The following CELF2 variants were observed in gnomAD, a reference collection of about 807,000 sequenced individuals.
The protein encoded by CELF2 is CUGBP Elav-like family member 2.
A neutral mutation model predicts 62.6 loss-of-function variants in CELF2; 8 were observed. The observed-to-expected ratio is 0.13, with a 90% CI of 0.07 to 0.23. CELF2 has a LOEUF of 0.23. CELF2 is among the 10% of genes least tolerant of loss of function. The pLI is 1.00. For synonymous variants in CELF2, 258 were observed against 250.0 expected (o/e 1.03, Z -0.30); for missense variants, 333 against 671.0 (o/e 0.50, Z 5.56).
intron 2 of CELF2, chr10:10,946,432 C>T (rs765830115): frequency 6.6e-6 from 1 of 152,568 alleles, no homozygotes; most frequent in Non-Finnish European, 1.5e-5. Flanking sequence ...GGGGAAGACT[C>T]CTTTTTCCCT....
chr10:11,045,561 C>G (rs550557815), intron 1 of CELF2, among the ~76,000 whole-genome samples: 67 of 152,296 alleles, frequency 4.4e-4, no homozygotes, highest in African/African-American at 1.5e-3. Flanking sequence ...ATGAAATGCT[C>G]AATAAATGTT....
chr10:11,005,526 A>C lies in CELF2; in HGVS notation c.53+86A>C, dbSNP rs2055091111. The C allele has an allele frequency of 6.3e-7, 1 of 1,598,786 alleles. No homozygotes were observed. Among genetic ancestry groups the C allele is most frequent in the Non-Finnish European group, 8.6e-7 (1 of 1,166,812 alleles). ...ACAATAATTATGCTCTGAATCAAGT[A>C]GCTTCCTTACCTTAGAAGAGAAGGG... On this transcript the variant is annotated intron_variant, in intron 1 of 12. Transcript: ENST00000416382. The surrounding 1 kb of genome is among the most constrained non-coding windows in gnomAD (Gnocchi z 4.3).
chr10:11,238,441 G>C (rs2072420063), intron 3 of CELF2, among the ~76,000 whole-genome samples: 1 of 152,126 alleles, frequency 6.6e-6, no homozygotes, highest in Non-Finnish European at 1.5e-5. Context: ...CTAAGCAAAG[G>C]ATTCCAGACA....
rs2076284330 is a variant in CELF2 at position 11,191,500 on chromosome 10, C to T, written c.271+25818C>T. Among the ~76,000 whole-genome samples, 1 of 152,154 alleles carries T rather than the reference C, an allele frequency of 6.6e-6. No homozygotes were observed. The highest frequency in any genetic ancestry group is 2.4e-5 in the African/African-American group (1 of 41,436). On this transcript the variant is annotated intron_variant, in intron 2 of 12. Transcript: ENST00000633077. The surrounding 1 kb of genome is among the most constrained non-coding windows in gnomAD (Gnocchi z 4.1). ...CGTGCTGTGGGGCGTCAGCTACCAACCTTGTGGTCTCGGGAAAGTGACCTA... is the reference window on the plus strand; with the variant it reads ...CGTGCTGTGGGGCGTCAGCTACCAATCTTGTGGTCTCGGGAAAGTGACCTA...
At chr10:10,803,530 A>C (rs992638845) in intron 1 of CELF2, among the ~76,000 whole-genome samples, 1 of 152,170 alleles carries the variant, frequency 6.6e-6, no homozygotes. Context: ...CTCCCATGTC[A>C]TCTCCTCAGT....
the CELF2 span, among the ~76,000 whole-genome samples, chr10:10,700,790 C>G: frequency 6.6e-6 from 1 of 152,226 alleles, no homozygotes; most frequent in African/African-American, 2.4e-5. Flanking sequence ...TCACCTCTCT[C>G]TCTTCAGAAG....
chr10:10,842,739 G>T (rs1158550709), intron 1 of CELF2, among the ~76,000 whole-genome samples: 1 of 151,926 alleles, frequency 6.6e-6, no homozygotes, highest in East Asian at 1.9e-4. Context: ...AGAGATATTA[G>T]ACTGTCATTT....
At chr10:11,099,945 A>G (rs1295838440) in intron 1 of CELF2, among the ~76,000 whole-genome samples, 2 of 151,120 alleles carry the variant, frequency 1.3e-5, no homozygotes, top group African/African-American at 4.9e-5. Context: ...TCATGCCCAT[A>G]ATCCCAGCAC....
the CELF2 span, among the ~76,000 whole-genome samples, chr10:10,519,600 G>T: frequency 6.6e-6 from 1 of 152,292 alleles, no homozygotes; most frequent in Non-Finnish European, 1.5e-5. Context: ...GTTCCTGTCG[G>T]GTTCCATTCT....
the CELF2 span, among the ~76,000 whole-genome samples, chr10:10,471,247 G>C: frequency 6.6e-6 from 1 of 151,572 alleles, no homozygotes. Context: ...TTTCCATTTA[G>C]GTTGGTACTG....
intron 1 of CELF2, among the ~76,000 whole-genome samples, chr10:10,903,782 A>G (rs1040137465): frequency 2.0e-5 from 3 of 152,054 alleles, no homozygotes; most frequent in Non-Finnish European, 2.9e-5. Context: ...GTGCTTGGGG[A>G]TGATGCAGAG....
upstream of CELF2, among the ~76,000 whole-genome samples, chr10:11,002,022 T>C (rs1172675178): frequency 6.6e-6 from 1 of 152,222 alleles, no homozygotes; most frequent in Non-Finnish European, 1.5e-5. This position sits in a 1 kb window ranked among gnomAD's most constrained non-coding sequence, Gnocchi z 4.4. Flanking sequence ...TATCTATCTG[T>C]ATTAGTCCAT....
the CELF2 span, among the ~76,000 whole-genome samples, chr10:10,476,726 A>T: frequency 2.0e-5 from 3 of 152,174 alleles, no homozygotes; most frequent in African/African-American, 7.2e-5. Context: ...AGATATTTTA[A>T]AAATGAGAAC....
In CELF2 at chr10:11,300,224, C is replaced by G. The variant is rs1481919025; in HGVS notation, c.976+11672C>G. ...CTGCTTTGGACGTGAGGAGCAGGTG[C>G]TGGCCCCTCACTTCCCCGCCTTCCA... is the stretch of plus-strand genomic sequence containing the variant. On this transcript the variant is annotated intron_variant, in intron 9 of 12. Coordinates refer to ENST00000633077, the MANE Select transcript of CELF2 (RefSeq NM_001326342.2). The surrounding 1 kb of genome is among the most constrained non-coding windows in gnomAD (Gnocchi z 5.5). Among the ~76,000 whole-genome samples, 2 of 152,146 alleles carry G rather than the reference C, an allele frequency of 1.3e-5. No individual in the cohort carries two copies. The highest frequency in any genetic ancestry group is 4.8e-5 in the African/African-American group (2 of 41,438).
chr10:10,760,161 C>T, the CELF2 span, among the ~76,000 whole-genome samples: 24 of 152,182 alleles, frequency 1.6e-4, no homozygotes, highest in Non-Finnish European at 2.6e-4. Flanking sequence ...ACCTCAGGCT[C>T]CCAAAGTGCT....
At chr10:10,723,604 C>T in the CELF2 span, among the ~76,000 whole-genome samples, 6 of 152,068 alleles carry the variant, frequency 3.9e-5, no homozygotes, top group Non-Finnish European at 8.8e-5. Flanking sequence ...TACACAGTTC[C>T]TCATTTTTTT....
the CELF2 span, among the ~76,000 whole-genome samples, chr10:10,500,476 G>A: frequency 5.5e-4 from 84 of 152,262 alleles, no homozygotes; most frequent in African/African-American, 1.9e-3. Context: ...TCGTGAATAA[G>A]TCTCACAAGA....
At chr10:10,911,700 T>G (rs1474388526) in intron 1 of CELF2, among the ~76,000 whole-genome samples, 1 of 152,232 alleles carries the variant, frequency 6.6e-6, no homozygotes, top group East Asian at 1.9e-4. Context: ...ATGCAGTGAT[T>G]TAAAGAGTAA....
At chr10:11,058,040 C>A in intron 1 of CELF2, among the ~76,000 whole-genome samples, 1 of 147,180 alleles carries the variant, frequency 6.8e-6, no homozygotes. Context: ...ACTTTACGCC[C>A]AACCAAATGG....
Sources: gnomAD v4.1 joint callset for allele counts (sites outside exome capture counted in the v4.1 genomes callset) on GRCh38, gnomAD v4.1.1 for gene constraint, Gnocchi (gnomAD v3.1) non-coding constraint, MANE v1.5 for transcripts, NCBI Gene and HGNC (gene_info 2026-07-23, HGNC 2026-07-21) for gene names.